The following PWWP3A variants were observed in gnomAD, a reference collection of about 807,000 sequenced individuals.
The protein encoded by PWWP3A is PWWP domain containing 3A, DNA repair factor, also known as PWWP domain-containing DNA repair factor 3A.
A neutral mutation model predicts 79.0 loss-of-function variants in PWWP3A; 53 were observed. That is an observed-to-expected ratio of 0.67 (90% CI 0.54 to 0.84). PWWP3A has a LOEUF of 0.84. Ranked by LOEUF, PWWP3A falls within the 40% of genes least tolerant of loss-of-function variation. PWWP3A has a pLI of 0.00. For missense variants in PWWP3A, 973 were observed against 948.0 expected (o/e 1.03, Z -0.35); for synonymous variants, 443 against 394.4 (o/e 1.12, Z -1.46).
At chr19:1,373,411 G>A in intron 13 of PWWP3A, 1 of 546,264 alleles carries the variant, frequency 1.8e-6, no homozygotes, top group Non-Finnish European at 3.3e-6. Flanking sequence ...CACGTGCCTG[G>A]GCCGTGTCTG....
chr19:1,356,178 T>C, intron 1 of PWWP3A, 146 bp from the exon 2 acceptor site: 1 of 576,512 alleles, frequency 1.7e-6, no homozygotes, highest in South Asian at 2.0e-5. Flanking sequence ...AGTCTGCTTT[T>C]TGGCATTGAG....
chr19:1,367,159 G>C lies in PWWP3A; in HGVS notation c.1362-1G>C. ...TAACTTTTCCCTCTCTCTGCTTCAA[G>C]TTTCACAGTGTCTCTTAAAAGTTTA... On this transcript the variant is annotated splice_acceptor_variant, in intron 8 of 13. Coordinates refer to ENST00000591337, the MANE Select transcript of PWWP3A (RefSeq NM_001369789.1). LOFTEE classifies it high-confidence loss of function. The C allele has an allele frequency of 6.2e-7, 1 of 1,611,558 alleles. No individual in the cohort carries two copies. Among genetic ancestry groups the C allele is most frequent in the Non-Finnish European group, 8.5e-7 (1 of 1,178,730 alleles).
chr19:1,360,861 G>A lies in PWWP3A; in HGVS notation c.940G>A (p.Val314Met), dbSNP rs570826667. ...RLDGSQRPPA[V>M]QLEPMAAGAA... ...GGATGGCAGCCAAAGGCCGCCTGCCGTGCAGCTGGAGCCCATGGCAGCAGG... is the reference window on the plus strand; with the variant it reads ...GGATGGCAGCCAAAGGCCGCCTGCCATGCAGCTGGAGCCCATGGCAGCAGG... Residue 314 changes from valine to methionine, a missense_variant, in exon 5 of 14, where the codon GTG becomes ATG. Transcript: ENST00000591337. This position sits in a 1 kb window ranked among gnomAD's most constrained non-coding sequence, Gnocchi z 4.4. The A allele has an allele frequency of 3.2e-6, 5 of 1,547,016 alleles. No individual in the cohort carries two copies. Among genetic ancestry groups the A allele is most frequent in the Non-Finnish European group, 4.4e-6 (5 of 1,146,658 alleles).
chr19:1,364,304 C>T (rs2082083391), intron 6 of PWWP3A: 1 of 690,612 alleles, frequency 1.4e-6, no homozygotes, highest in African/African-American at 1.8e-5. Flanking sequence ...GTTTCACTGT[C>T]TCATCATTGG....
At chr19:1,365,288 A>G (rs140109012) in intron 7 of PWWP3A, among the ~76,000 whole-genome samples, 4 of 152,380 alleles carry the variant, frequency 2.6e-5, no homozygotes, top group African/African-American at 9.6e-5. Context: ...GATGAGTTCA[A>G]GCCGGGGCAG....
intron 12 of PWWP3A, chr19:1,372,870 G>C: frequency 1.8e-6 from 1 of 557,206 alleles, no homozygotes; most frequent in Non-Finnish European, 3.2e-6. Context: ...TGTCTAGTCC[G>C]AAAGATAGTA....
chr19:1,371,463 A>C (rs2082258458), intron 12 of PWWP3A: 1 of 691,738 alleles, frequency 1.4e-6, no homozygotes, highest in Non-Finnish European at 2.7e-6. Context: ...AGATAAACCC[A>C]CTGTAAGTTG....
In PWWP3A at chr19:1,369,172, C is replaced by T; in HGVS notation, c.1423-93C>T. ...CGGGCTGGAGCGTGAGCAGCCTGGA[C>T]ACCTGGCTGGTCCCTGGGCTCTGCG... On this transcript the variant is annotated intron_variant, in intron 9 of 13. Transcript: ENST00000591337. The surrounding 1 kb of genome is among the most constrained non-coding windows in gnomAD (Gnocchi z 4.0). 2 of 1,172,950 alleles carry T rather than the reference C, an allele frequency of 1.7e-6. No individual in the cohort carries two copies. Among genetic ancestry groups the T allele is most frequent in the African/African-American group, 1.5e-5 (1 of 65,964 alleles). 72.7% of individuals were successfully genotyped at this position (1,172,950 alleles called of 1,614,324 possible).
intron 6 of PWWP3A, 127 bp from the exon 7 acceptor site, chr19:1,364,382 T>A: frequency 1.4e-6 from 1 of 710,712 alleles, no homozygotes; most frequent in Non-Finnish European, 2.4e-6. Flanking sequence ...TTTAAGCGAA[T>A]GACACAAAGT....
chr19:1,367,840 A>G (rs576982516), intron 9 of PWWP3A, among the ~76,000 whole-genome samples: 8 of 152,222 alleles, frequency 5.3e-5, no homozygotes, highest in Non-Finnish European at 1.0e-4. Context: ...CAGCACCAAC[A>G]CGTCAACTCA....
At chr19:1,367,252 A>G (rs1317632921) in intron 9 of PWWP3A, 32 bp downstream of exon 9, 3 of 1,584,406 alleles carry the variant, frequency 1.9e-6, no homozygotes, top group South Asian at 2.2e-5. Flanking sequence ...CTTGCTTTAA[A>G]TGGTTTACTT....
At position 1,368,136 on chromosome 19, in the gene PWWP3A, G is replaced by A; in HGVS notation, c.1422+916G>A. On this transcript the variant is annotated intron_variant, in intron 9 of 13. Transcript: ENST00000591337. This position sits in a 1 kb window ranked among gnomAD's most constrained non-coding sequence, Gnocchi z 4.7. The stretch of plus-strand genomic sequence containing the variant: ...GACGGGGTTTCATCATATTGGCCAG[G>A]TTGGTCTCGAACTCCTGACCTCATG... Among the ~76,000 whole-genome samples, 1 of 152,102 alleles carries A rather than the reference G, an allele frequency of 6.6e-6. No individual in the cohort carries two copies. Among genetic ancestry groups the A allele is most frequent in the East Asian group, 1.9e-4 (1 of 5,194 alleles).
Position 1,369,123 on chromosome 19 carries a change from C to T in PWWP3A, c.1423-142C>T, listed in dbSNP as rs2082195373. The T allele has an allele frequency of 2.9e-6, 2 of 697,478 alleles. No individual in the cohort carries two copies. The highest frequency in any genetic ancestry group is 3.4e-5 in the South Asian group (2 of 58,046). 43.2% of individuals were successfully genotyped at this position (697,478 alleles called of 1,614,324 possible). A position where few individuals can be genotyped will look rare whatever the true frequency, so the allele number is the denominator to read the frequency against. ...TGTGCGAGGCGTCTGCCAGAGCCCC[C>T]TTTGTCAGGGAGGGTCAGAGGTGCG... On this transcript the variant is annotated intron_variant, in intron 9 of 13. Coordinates refer to ENST00000591337, the MANE Select transcript of PWWP3A (RefSeq NM_001369789.1). The surrounding 1 kb of genome is among the most constrained non-coding windows in gnomAD (Gnocchi z 4.0).
At position 1,360,517 on chromosome 19, in the gene PWWP3A, A is replaced by G. The variant is rs1366916961; in HGVS notation, c.596A>G (p.Gln199Arg). Residue 199 changes from glutamine (Q) to arginine (R), a missense_variant, in exon 5 of 14, where the codon CAA (glutamine) becomes CGA (arginine). Gln to Arg is a conservative substitution (Grantham distance 43). Transcript: ENST00000591337. This position sits in a 1 kb window ranked among gnomAD's most constrained non-coding sequence, Gnocchi z 4.4. ...PLVLPAGGGA[Q>R]DESGSRIHHK... Reference sequence around the variant, plus strand: ...GTCCTCCCAGCTGGAGGTGGTGCCCAAGATGAGAGTGGGTCCAGAATCCAC... The same window carrying G: ...GTCCTCCCAGCTGGAGGTGGTGCCCGAGATGAGAGTGGGTCCAGAATCCAC... 8 of 1,614,248 alleles carry G rather than the reference A, an allele frequency of 5.0e-6. No homozygotes were observed. Among genetic ancestry groups the G allele is most frequent in the Non-Finnish European group, 6.8e-6 (8 of 1,180,048 alleles).
intron 3 of PWWP3A, chr19:1,358,191 A>G (rs1286577962): frequency 8.4e-6 from 3 of 357,544 alleles, no homozygotes; most frequent in East Asian, 9.2e-5. Flanking sequence ...CTTAAAAGGA[A>G]AAAAAAAAAA....
At position 1,373,094 on chromosome 19, in the gene PWWP3A, C is replaced by T. The variant is rs980438789; in HGVS notation, c.2009C>T (p.Ala670Val). 35 of 1,614,078 alleles carry T rather than the reference C, an allele frequency of 2.2e-5. No individual in the cohort carries two copies. The highest frequency in any genetic ancestry group is 5.3e-5 in the African/African-American group (4 of 74,942). ...CAGGCCATCATCTGTGCGATCTCTGCGGTGGACGAGGTGGACTACAAGACG... is the reference window on the plus strand; with the variant it reads ...CAGGCCATCATCTGTGCGATCTCTGTGGTGGACGAGGTGGACTACAAGACG... ...LPEAIICAIS[A>V]VDEVDYKTAE... The change falls in exon 13 of 14, where the codon GCG (alanine) becomes GTG (valine). Residue 670 changes from alanine (A) to valine (V), a missense_variant. By Grantham distance (64) the Ala-to-Val change is moderately conservative. Transcript: ENST00000591337.
intron 3 of PWWP3A, chr19:1,358,189 G>GAAAA: frequency 5.0e-6 from 2 of 399,116 alleles, no homozygotes; most frequent in Non-Finnish European, 8.7e-6. Context: ...GTCTTAAAAG[G>GAAAA]AAAAAAAAAA....
At chr19:1,362,084 TAG>T in intron 5 of PWWP3A, 164 bp from the exon 6 acceptor site, 1 of 437,690 alleles carries the variant, frequency 2.3e-6, no homozygotes, top group Non-Finnish European at 4.1e-6. Context: ...CTTTAAAATG[TAG>T]TTTATTAGAA....
At position 1,369,561 on chromosome 19, in the gene PWWP3A, T is replaced by A. The variant is rs770025922; in HGVS notation, c.1499-35T>A. ...CACACTTCCTGGGACTCCTCTTAGG[T>A]CTACACAGTGCTCTCTCCCCTCCAC... On this transcript the variant is annotated intron_variant, in intron 10 of 13. Transcript: ENST00000591337. This position sits in a 1 kb window ranked among gnomAD's most constrained non-coding sequence, Gnocchi z 4.0. 6.2e-7 allele frequency: 1 copy of A among 1,613,120 alleles called. No homozygotes were observed.
Sources: allele counts gnomAD v4.1 joint callset (sites outside exome capture counted in the v4.1 genomes callset), GRCh38; gene constraint gnomAD v4.1.1; non-coding constraint Gnocchi (gnomAD v3.1); transcripts MANE v1.5; gene names NCBI Gene and HGNC (gene_info 2026-07-23, HGNC 2026-07-21).